The following MYRIP variants were observed in gnomAD, a reference collection of about 807,000 sequenced individuals.
MYRIP encodes the protein rab effector MyRIP.
MYRIP carries 49 observed loss-of-function variants against 98.0 expected under a neutral mutation model. The ratio of observed to expected loss-of-function variants is 0.50; its 90% confidence interval spans 0.40 to 0.63. MYRIP has a LOEUF of 0.63. Ranked by LOEUF, MYRIP falls within the 30% of genes least tolerant of loss-of-function variation. The pLI is 0.00. For missense variants in MYRIP, 1,004 were observed against 1,058.2 expected, an observed-to-expected ratio of 0.95 and a Z score of 0.71; for synonymous variants, 404 against 409.5, an observed-to-expected ratio of 0.99 and a Z score of 0.16.
At chr3:40,045,999 A>C (rs1187903739) in intron 3 of MYRIP, among the ~76,000 whole-genome samples, 1 of 152,192 alleles carries the variant, frequency 6.6e-6, no homozygotes, top group Non-Finnish European at 1.5e-5. Flanking sequence ...TATAGAGAAA[A>C]AGATGAATTT....
At chr3:40,069,395 C>CT (rs35427857) in intron 3 of MYRIP, among the ~76,000 whole-genome samples, 11,706 of 144,014 alleles carry the variant, frequency 0.081, 538 homozygotes, top group East Asian at 0.22. Context: ...TCGCAAGATA[C>CT]TTTTTTTTTT....
chr3:40,096,237 G>A (rs911506788), intron 3 of MYRIP, among the ~76,000 whole-genome samples: 1 of 152,106 alleles, frequency 6.6e-6, no homozygotes, highest in South Asian at 2.1e-4. Context: ...GAGTGCCTCA[G>A]GTGAGAGGGC....
intron 2 of MYRIP, among the ~76,000 whole-genome samples, chr3:40,027,211 C>G (rs761032528): frequency 1.3e-5 from 2 of 152,110 alleles, no homozygotes; most frequent in Non-Finnish European, 2.9e-5. Context: ...GCCCTCTCTC[C>G]TGGCCCTCAA....
At chr3:40,185,052 G>T (rs1950990293) in intron 9 of MYRIP, among the ~76,000 whole-genome samples, 1 of 152,200 alleles carries the variant, frequency 6.6e-6, no homozygotes, top group South Asian at 2.1e-4. Context: ...ATTCCTACAG[G>T]CATTGCTCAA....
chr3:40,206,111 G>A (rs1346794798), intron 10 of MYRIP, among the ~76,000 whole-genome samples: 1 of 152,082 alleles, frequency 6.6e-6, no homozygotes, highest in African/African-American at 2.4e-5. Context: ...GGTCCACAGA[G>A]GCCCATCCAT....
intron 3 of MYRIP, among the ~76,000 whole-genome samples, chr3:40,077,067 C>T (rs1481456024): frequency 2.0e-5 from 3 of 151,864 alleles, no homozygotes; most frequent in Non-Finnish European, 4.4e-5. Context: ...TAAGGTGGCG[C>T]GTCTGGAGTT....
At chr3:39,975,493 A>G (rs60538463) in intron 2 of MYRIP, among the ~76,000 whole-genome samples, 6,170 of 151,978 alleles carry the variant, frequency 0.041, 170 homozygotes, top group East Asian at 0.17. Flanking sequence ...TACAGATTCA[A>G]TGCCATCCCC....
At chr3:40,038,258 G>T (rs1266051244) in intron 2 of MYRIP, among the ~76,000 whole-genome samples, 1 of 152,116 alleles carries the variant, frequency 6.6e-6, no homozygotes, top group Non-Finnish European at 1.5e-5. Flanking sequence ...CAAAAATGAT[G>T]TGTTGAGAGA....
At chr3:40,234,495 AG>A (rs919676343) in intron 12 of MYRIP, among the ~76,000 whole-genome samples, 2 of 152,190 alleles carry the variant, frequency 1.3e-5, no homozygotes, top group African/African-American at 4.8e-5. Context: ...AGCAGCCCAA[AG>A]GCAGTCCCCT....
At chr3:39,836,438 T>C (rs555004808) in intron 1 of MYRIP, among the ~76,000 whole-genome samples, 1 of 152,218 alleles carries the variant, frequency 6.6e-6, no homozygotes, top group East Asian at 1.9e-4. Flanking sequence ...TTGGATGGGG[T>C]TGTTTGTTAT....
At chr3:40,052,818 TA>T (rs1244392415) in intron 3 of MYRIP, among the ~76,000 whole-genome samples, 1 of 152,188 alleles carries the variant, frequency 6.6e-6, no homozygotes, top group African/African-American at 2.4e-5. Flanking sequence ...CGTGACACAA[TA>T]TGATAAATCC....
chr3:40,188,951 C>T (rs929283492), intron 9 of MYRIP, among the ~76,000 whole-genome samples: 7 of 152,200 alleles, frequency 4.6e-5, no homozygotes, highest in Non-Finnish European at 7.3e-5. Context: ...ACCAATCCAC[C>T]CCCAGCATGC....
At chr3:40,129,440 C>CAGAAAAAAAA (rs1949591167) in intron 3 of MYRIP, among the ~76,000 whole-genome samples, 1 of 29,356 alleles carries the variant, frequency 3.4e-5, no homozygotes, top group Non-Finnish European at 6.0e-5. Context: ...GACTCTGTCT[C>CAGAAAAAAAA]AAAAAAAAAA....
At chr3:39,893,124 A>G (rs936845846) in intron 1 of MYRIP, among the ~76,000 whole-genome samples, 1 of 152,122 alleles carries the variant, frequency 6.6e-6, no homozygotes, top group Non-Finnish European at 1.5e-5. Flanking sequence ...GATTTTTGTA[A>G]ATTGTGCAGT....
intron 8 of MYRIP, among the ~76,000 whole-genome samples, chr3:40,178,596 G>A (rs1281899798): frequency 6.6e-6 from 1 of 152,322 alleles, no homozygotes; most frequent in East Asian, 1.9e-4. Context: ...ATCAAGTTGA[G>A]TGAGAGAACA....
chr3:40,079,991 G>T (rs1231992397), intron 3 of MYRIP, among the ~76,000 whole-genome samples: 1 of 151,690 alleles, frequency 6.6e-6, no homozygotes, highest in South Asian at 2.1e-4. Context: ...TTGTTTTATT[G>T]CCCTGGCTAA....
intron 1 of MYRIP, among the ~76,000 whole-genome samples, chr3:39,823,118 C>A (rs1419201734): frequency 1.3e-5 from 2 of 148,498 alleles, no homozygotes; most frequent in South Asian, 2.2e-4. Flanking sequence ...CTCCTGGGTT[C>A]AAGTGTTTCT....
chr3:39,892,594 AT>A lies in MYRIP; in HGVS notation c.-30-8186del, dbSNP rs1245553452. Among the ~76,000 whole-genome samples, 6 of 152,254 alleles carry A rather than the reference AT, an allele frequency of 3.9e-5. No homozygotes were observed. In the East Asian group the frequency reaches 1.2e-3, roughly 29 times the overall value. ...GCAAACAGACTGTTTCAGAGTGTGA[AT>A]TTTTTTCTATTAAGTTAAAGAAGTG... On this transcript the variant is annotated intron_variant, in intron 1 of 16. Coordinates refer to ENST00000302541, the MANE Select transcript of MYRIP (RefSeq NM_015460.4).
In MYRIP at chr3:40,047,777, C is replaced by T. The variant is rs143647136; in HGVS notation, c.332+3506C>T. 2.1e-3 allele frequency among the ~76,000 whole-genome samples: 319 copies of T among 152,270 alleles called. 3 individuals carry two copies. Among genetic ancestry groups the T allele is most frequent in the African/African-American group, 7.3e-3 (305 of 41,562 alleles). On this transcript the variant is annotated intron_variant, in intron 3 of 16. Coordinates refer to ENST00000302541, the MANE Select transcript of MYRIP (RefSeq NM_015460.4). ...GAGAAGTATGTCTTTCAAAGTACCA[C>T]GGATGTATGGCCTGTGAGCGGACAG...
Sources: gnomAD v4.1 joint callset for allele counts (sites outside exome capture counted in the v4.1 genomes callset) on GRCh38, gnomAD v4.1.1 for gene constraint, MANE v1.5 for transcripts, NCBI Gene and HGNC (gene_info 2026-07-23, HGNC 2026-07-21) for gene names.